FREM3: variants seen among roughly 807,000 people sequenced by gnomAD.
The protein encoded by FREM3 is FRAS1 related extracellular matrix 3.
In FREM3, 105 loss-of-function variants were observed where a neutral mutation model predicts 129.1. The ratio of observed to expected loss-of-function variants is 0.81; its 90% CI spans 0.69 to 0.96. The LOEUF (loss-of-function observed/expected upper bound fraction) is 0.96. Ranked by LOEUF, FREM3 falls within the 40% of genes least tolerant of loss-of-function variation. The pLI, the probability that FREM3 is intolerant of heterozygous loss-of-function variation, is 0.00. For synonymous variants in FREM3, 1,014 were observed against 1,044.9 expected (o/e 0.97, Z 0.57); for missense variants, 2,593 against 2,666.3 (o/e 0.97, Z 0.61).
At chr4:143,681,909 G>A (rs1374157639) in intron 2 of FREM3, among the ~76,000 whole-genome samples, 1 of 152,168 alleles carries the variant, frequency 6.6e-6, no homozygotes, top group Non-Finnish European at 1.5e-5. Context: ...TCAGTAAGTA[G>A]CATCAAAGAC....
At chr4:143,624,084 A>G in intron 4 of FREM3, 24 bp downstream of exon 4, 1 of 1,357,000 alleles carries the variant, frequency 7.4e-7, no homozygotes, top group Non-Finnish European at 1.0e-6. Context: ...TGGTTAATAA[A>G]GCAAATCAAT....
At chr4:143,656,646 G>A (rs939269506) in intron 2 of FREM3, among the ~76,000 whole-genome samples, 12 of 152,128 alleles carry the variant, frequency 7.9e-5, no homozygotes, top group Admixed American at 3.3e-4. Context: ...GGTTGCTAAG[G>A]CCGAGAGTAG....
chr4:143,587,768 T>C (rs1738267802), intron 6 of FREM3, among the ~76,000 whole-genome samples: 1 of 152,004 alleles, frequency 6.6e-6, no homozygotes, highest in African/African-American at 2.4e-5. Flanking sequence ...CTTTGGGATC[T>C]CTCACTCCCA....
chr4:143,584,983 C>G (rs1377571678), intron 7 of FREM3, among the ~76,000 whole-genome samples: 7 of 152,232 alleles, frequency 4.6e-5, no homozygotes, highest in African/African-American at 1.7e-4. Flanking sequence ...TCACTCAAAA[C>G]CATACAATTA....
chr4:143,618,128 A>G (rs2149840638), intron 5 of FREM3, among the ~76,000 whole-genome samples: 1 of 152,318 alleles, frequency 6.6e-6, no homozygotes, highest in Non-Finnish European at 1.5e-5. Flanking sequence ...ATGCTGCAGA[A>G]GGACCATCCA....
At chr4:143,646,088 A>G (rs1169455059) in intron 2 of FREM3, among the ~76,000 whole-genome samples, 2 of 152,198 alleles carry the variant, frequency 1.3e-5, no homozygotes, top group Non-Finnish European at 2.9e-5. Context: ...AAGCACTTTC[A>G]TGAAGATTGA....
At position 143,678,263 on chromosome 4, in the gene FREM3, C is replaced by T. The variant is rs567701920; in HGVS notation, c.5275+14850G>A. On this transcript the variant is annotated intron_variant, in intron 2 of 7. Coordinates refer to ENST00000329798, the MANE Select transcript of FREM3 (RefSeq NM_001168235.2). ...TAGAGACATGGATAAAGCTGGAAAC[C>T]ATCATTCTCAGCAAACTATTGCAAG... Among the ~76,000 whole-genome samples the T allele has an allele frequency of 5.9e-5, 9 of 152,206 alleles. No homozygotes were observed. In the South Asian group the frequency reaches 1.7e-3, roughly 28 times the overall value.
rs757929341 is a variant in FREM3, at chr4:143,700,289, G to T, written c.387C>A (p.Phe129Leu). 7.8e-6 allele frequency: 12 copies of T among 1,536,368 alleles called. No individual in the cohort carries two copies. Among genetic ancestry groups the T allele is most frequent in the Non-Finnish European group, 9.6e-6 (11 of 1,146,722 alleles). ...GGGCGCGTCCGGGGCTGTGGGAGCC[G>T]AAGTGAGTGTACTGGACTTGGCGGG... is the stretch of plus-strand genomic sequence containing the variant. ...FGPRQVQYTH[F>L]GSHSPGRARV... is the part of the protein sequence containing the mutation. The change falls in exon 1 of 8, where the codon TTC becomes TTA. Residue 129 changes from phenylalanine (F) to leucine (L), a missense_variant. By Grantham distance (22) the Phe-to-Leu change is conservative (BLOSUM62 0). Coordinates refer to ENST00000329798, the MANE Select transcript of FREM3 (RefSeq NM_001168235.2).
intron 2 of FREM3, 100 bp from the exon 3 acceptor site, chr4:143,627,860 A>G (rs1739070123): frequency 1.4e-6 from 1 of 733,304 alleles, no homozygotes. Context: ...AGGGTTTCAA[A>G]ACATACTCGT....
chr4:143,673,852 G>A (rs937186970), intron 2 of FREM3, among the ~76,000 whole-genome samples: 5 of 152,242 alleles, frequency 3.3e-5, no homozygotes, highest in Non-Finnish European at 5.9e-5. Context: ...TGCTGTGCTA[G>A]CAATGAGCGA....
chr4:143,696,279 C>A lies in FREM3; in HGVS notation c.4397G>T (p.Arg1466Leu). The part of the protein sequence containing the change: ...SSDEHHFSIT[R>L]APSLGHLESS... ...TTCTAAGTGACCCAGGCTTGGAGCC[C>A]GTGTAATGCTAAAGTGATGTTCATC... Residue 1466 changes from arginine to leucine, a missense_variant, in exon 1 of 8, where the codon CGG becomes CTG. This residue lies in a region of FREM3 where 2,276 missense variants were observed against 2,267.2 expected (regional missense o/e 1.00). Coordinates refer to ENST00000329798, the MANE Select transcript of FREM3 (RefSeq NM_001168235.2). 6.5e-7 allele frequency: 1 copy of A among 1,537,572 alleles called. No homozygotes were observed. The highest frequency in any genetic ancestry group is 8.7e-7 in the Non-Finnish European group (1 of 1,146,986).
In FREM3 at chr4:143,620,934, A is replaced by T. The variant is rs554819606; in HGVS notation, c.5779+103T>A. On this transcript the variant is annotated intron_variant, in intron 5 of 7. Transcript: ENST00000329798. ...ACAATGAGGGGCCCAGGCATCCAGC[A>T]TCTTAACTCTGCTTTGCTCACCCTC... 1.4e-5 allele frequency: 16 copies of T among 1,171,014 alleles called. No homozygotes were observed. In the South Asian group the frequency reaches 2.5e-4, roughly 18 times the overall value. The allele number at this position is 1,171,014 out of a possible 1,614,324, so 72.5% of individuals were successfully genotyped here.
intron 6 of FREM3, among the ~76,000 whole-genome samples, chr4:143,588,746 T>C (rs1439012302): frequency 6.6e-6 from 1 of 151,658 alleles, no homozygotes; most frequent in African/African-American, 2.4e-5. Context: ...TATATTCCTT[T>C]GGGTATATAC....
chr4:143,669,479 G>A (rs2149855265), intron 2 of FREM3, among the ~76,000 whole-genome samples: 2 of 151,746 alleles, frequency 1.3e-5, no homozygotes, highest in East Asian at 3.9e-4. Flanking sequence ...GTAGAGACCG[G>A]GTCATCCTAT....
intron 7 of FREM3, among the ~76,000 whole-genome samples, chr4:143,578,342 T>TCA (rs1447181006): frequency 6.6e-6 from 1 of 152,222 alleles, no homozygotes; most frequent in Non-Finnish European, 1.5e-5. Context: ...TTATTAATCA[T>TCA]TTTTTCAAGC....
At chr4:143,580,519 G>T (rs1738112055) in intron 7 of FREM3, among the ~76,000 whole-genome samples, 1 of 152,192 alleles carries the variant, frequency 6.6e-6, no homozygotes, top group Non-Finnish European at 1.5e-5. Flanking sequence ...CAGGGGCTTT[G>T]GACCCCTGGG....
In FREM3 at chr4:143,577,459, T is replaced by G; in HGVS notation, c.*152A>C. 1 of 689,166 alleles carries G rather than the reference T, an allele frequency of 1.5e-6. No homozygotes were observed. Among genetic ancestry groups the G allele is most frequent in the East Asian group, 2.7e-5 (1 of 36,562 alleles). The allele number at this position is 689,166 out of a possible 1,614,324, so 42.7% of individuals were successfully genotyped here. ...ATATATTTCTATCTCCATGCAGTCA[T>G]ATAAATTACATTTCCACATATCACC... is the stretch of plus-strand genomic sequence containing the variant. On this transcript the variant is annotated 3_prime_UTR_variant, in exon 8 of 8. Coordinates refer to ENST00000329798, the MANE Select transcript of FREM3 (RefSeq NM_001168235.2).
chr4:143,676,700 G>T (rs1184347560), intron 2 of FREM3, among the ~76,000 whole-genome samples: 2 of 152,128 alleles, frequency 1.3e-5, no homozygotes, highest in South Asian at 2.1e-4. Flanking sequence ...AAAGTCTCAG[G>T]ATACAAAATC....
chr4:143,650,486 C>CTACT (rs902047780), intron 2 of FREM3, among the ~76,000 whole-genome samples: 3 of 152,148 alleles, frequency 2.0e-5, no homozygotes, highest in African/African-American at 4.8e-5. Flanking sequence ...CATGGAATTG[C>CTACT]TACTTACTTA....
Sources: gnomAD v4.1 joint callset for allele counts (sites outside exome capture counted in the v4.1 genomes callset) on GRCh38, gnomAD v4.1.1 for gene constraint, gnomAD v4.1.1 regional missense constraint, MANE v1.5 for transcripts, NCBI Gene and HGNC (gene_info 2026-07-23, HGNC 2026-07-21) for gene names.